Variants in LRRTM4 observed in about 807,000 individuals in gnomAD.
LRRTM4 encodes the protein leucine-rich repeat transmembrane neuronal protein 4.
Under a neutral mutation model 47.6 loss-of-function variants are expected in LRRTM4, and 25 were observed. That is an observed-to-expected ratio of 0.53 (90% CI 0.38 to 0.73). LRRTM4 has a LOEUF of 0.73. LRRTM4 is among the 30% of genes least tolerant of loss of function. The pLI is 0.00. For missense variants in LRRTM4, 638 were observed against 713.4 expected, an observed-to-expected ratio of 0.89 and a Z score of 1.20; for synonymous variants, 311 against 269.5, an observed-to-expected ratio of 1.15 and a Z score of -1.51.
chr2:77,240,711 T>C (rs1675235806), intron 3 of LRRTM4, among the ~76,000 whole-genome samples: 1 of 152,062 alleles, frequency 6.6e-6, no homozygotes, highest in African/African-American at 2.4e-5. Context: ...AGTTTAGCAA[T>C]GTTGCCAGTT....
At chr2:77,100,932 T>A (rs946303032) in intron 3 of LRRTM4, among the ~76,000 whole-genome samples, 18 of 148,386 alleles carry the variant, frequency 1.2e-4, no homozygotes, top group South Asian at 6.4e-4. Flanking sequence ...GCTTCCCGAG[T>A]TCAAGCAATT....
intron 3 of LRRTM4, among the ~76,000 whole-genome samples, chr2:76,949,894 G>C (rs1675441938): frequency 6.6e-6 from 1 of 151,908 alleles, no homozygotes; most frequent in African/African-American, 2.4e-5. Context: ...CAAGATCATA[G>C]GCTAAGTCCC....
intron 3 of LRRTM4, among the ~76,000 whole-genome samples, chr2:77,216,040 G>A (rs996392954): frequency 1.3e-5 from 2 of 151,970 alleles, no homozygotes; most frequent in African/African-American, 4.8e-5. Context: ...AAGAAAGAGG[G>A]GTGCCTTCTA....
chr2:77,407,726 T>A (rs1038285552), intron 3 of LRRTM4, among the ~76,000 whole-genome samples: 46 of 141,188 alleles, frequency 3.3e-4, no homozygotes, highest in Admixed American at 6.7e-4. Flanking sequence ...TATTATATTA[T>A]ATATTATATA....
At chr2:77,502,191 A>G (rs755206501) in intron 3 of LRRTM4, among the ~76,000 whole-genome samples, 9 of 151,528 alleles carry the variant, frequency 5.9e-5, no homozygotes, top group Non-Finnish European at 1.2e-4. Context: ...GTAAGCAAAA[A>G]TGGCAGATTA....
chr2:76,952,245 G>A (rs1474287179), intron 3 of LRRTM4, among the ~76,000 whole-genome samples: 1 of 151,894 alleles, frequency 6.6e-6, no homozygotes, highest in Non-Finnish European at 1.5e-5. Flanking sequence ...TCTTTCTCTT[G>A]TAGAATAATC....
At chr2:77,292,377 G>T (rs1419881069) in intron 3 of LRRTM4, among the ~76,000 whole-genome samples, 1 of 151,562 alleles carries the variant, frequency 6.6e-6, no homozygotes, top group African/African-American at 2.4e-5. Flanking sequence ...AAATCATGCT[G>T]CTATAAAGAC....
intron 3 of LRRTM4, among the ~76,000 whole-genome samples, chr2:76,795,483 G>C (rs1354953857): frequency 6.6e-6 from 1 of 151,938 alleles, no homozygotes; most frequent in Non-Finnish European, 1.5e-5. Flanking sequence ...ACATTGTGTA[G>C]GTGTTAATAA....
chr2:77,116,978 T>C (rs1209720036), intron 3 of LRRTM4, among the ~76,000 whole-genome samples: 1 of 151,792 alleles, frequency 6.6e-6, no homozygotes, highest in Non-Finnish European at 1.5e-5. Context: ...CACACATCCC[T>C]GCCCCAGGCC....
At chr2:77,313,751 ACT>A (rs1677540367) in intron 3 of LRRTM4, among the ~76,000 whole-genome samples, 1 of 152,094 alleles carries the variant, frequency 6.6e-6, no homozygotes, top group Non-Finnish European at 1.5e-5. Flanking sequence ...CTGAAGCCTA[ACT>A]CTGAAAATAC....
chr2:77,519,085 C>T lies in LRRTM4; in HGVS notation c.784G>A (p.Gly262Arg), dbSNP rs1679364546. The stretch of plus-strand genomic sequence containing the variant: ...GGCTCAATTCCTTGGATGTCATTCC[C>T]TGATAAATCCAAGTTGTGTAAGGAA... ...WSSLHNLDLSGNDIQGIEPGT... is the reference protein window; with the variant it reads ...WSSLHNLDLSRNDIQGIEPGT... Residue 262 changes from glycine (G) to arginine (R), a missense_variant, in exon 3 of 4, where the codon GGG becomes AGG. By Grantham distance (125) the Gly-to-Arg change is moderately radical. Transcript: ENST00000409884. This position sits in a 1 kb window ranked among gnomAD's most constrained non-coding sequence, Gnocchi z 4.6. The T allele has an allele frequency of 6.2e-7, 1 of 1,612,840 alleles. No individual in the cohort carries two copies. The highest frequency in any genetic ancestry group is 8.5e-7 in the Non-Finnish European group (1 of 1,179,418).
chr2:76,781,563 C>CGTGACCCCTTGCGCT (rs1558648838), intron 3 of LRRTM4, among the ~76,000 whole-genome samples: 4 of 151,342 alleles, frequency 2.6e-5, no homozygotes. Context: ...AAGGGAACTC[C>CGTGACCCCTTGCGCT]GTGACCCCTT....
intron 3 of LRRTM4, among the ~76,000 whole-genome samples, chr2:76,863,969 A>G (rs1298856930): frequency 6.6e-6 from 1 of 152,208 alleles, no homozygotes; most frequent in African/African-American, 2.4e-5. Context: ...ACCTAAAAAG[A>G]TTCAGACTAT....
chr2:77,417,220 G>T (rs951975087), intron 3 of LRRTM4, among the ~76,000 whole-genome samples: 1 of 152,082 alleles, frequency 6.6e-6, no homozygotes, highest in Non-Finnish European at 1.5e-5. Context: ...TAGAATGGCA[G>T]TCATTAAAAG....
chr2:77,488,672 C>T (rs1431148471), intron 3 of LRRTM4, among the ~76,000 whole-genome samples: 1 of 152,106 alleles, frequency 6.6e-6, no homozygotes, highest in Non-Finnish European at 1.5e-5. Flanking sequence ...CAAAGTAAAA[C>T]CAGTTTGAAT....
chr2:77,109,765 T>G (rs1241939000), intron 3 of LRRTM4, among the ~76,000 whole-genome samples: 1 of 151,900 alleles, frequency 6.6e-6, no homozygotes, highest in Non-Finnish European at 1.5e-5. Context: ...CATAAAATTC[T>G]TAAGATAGGA....
chr2:77,238,885 G>T (rs1675184278), intron 3 of LRRTM4, among the ~76,000 whole-genome samples: 1 of 151,810 alleles, frequency 6.6e-6, no homozygotes, highest in Non-Finnish European at 1.5e-5. Flanking sequence ...AAATATTTTG[G>T]GGACAAACTA....
At chr2:77,070,618 T>A (rs1298275127) in intron 3 of LRRTM4, among the ~76,000 whole-genome samples, 6 of 152,132 alleles carry the variant, frequency 3.9e-5, no homozygotes, top group African/African-American at 1.4e-4. Context: ...TAAAGTTGAT[T>A]TTTTTGTTTG....
At chr2:77,225,698 G>A (rs991783611) in intron 3 of LRRTM4, among the ~76,000 whole-genome samples, 2 of 152,036 alleles carry the variant, frequency 1.3e-5, no homozygotes, top group African/African-American at 4.8e-5. Flanking sequence ...TATATATTCT[G>A]TGGTGAATGT....
Sources: allele counts gnomAD v4.1 joint callset (sites outside exome capture counted in the v4.1 genomes callset), GRCh38; gene constraint gnomAD v4.1.1; non-coding constraint Gnocchi (gnomAD v3.1); transcripts MANE v1.5; gene names NCBI Gene and HGNC (gene_info 2026-07-23, HGNC 2026-07-21).